RAD50: variants seen among roughly 807,000 people sequenced by gnomAD.
RAD50 encodes RAD50 double strand break repair protein, also known as DNA repair protein RAD50.
RAD50 carries 132 observed loss-of-function variants against 168.8 expected under a neutral mutation model. The ratio of observed to expected loss-of-function variants is 0.78; its 90% CI spans 0.68 to 0.90. The LOEUF (loss-of-function observed/expected upper bound fraction) is 0.90, where lower values mean the gene tolerates loss of function less well. Ranked by LOEUF, RAD50 falls within the 40% of genes least tolerant of loss-of-function variation. The probability of loss-of-function intolerance (pLI) is 0.00; values close to 1 mark genes in which losing one functional copy is unlikely to be tolerated. For synonymous variants in RAD50, 525 were observed against 497.4 expected, an observed-to-expected ratio of 1.06 and a Z score of -0.74; for missense variants, 1,347 against 1,534.4, an observed-to-expected ratio of 0.88 and a Z score of 2.04.
rs753568011 is a variant in RAD50, at chr5:132,557,279, CT to C, written c.-43del. On this transcript the variant is annotated 5_prime_UTR_variant, in exon 1 of 25. Coordinates refer to ENST00000378823, the MANE Select transcript of RAD50 (RefSeq NM_005732.4). ...CGCCTTGCTTCGGCCTCAGTTAAGC[CT>C]TTGTGGGCTCCAGGTCCCTGGTGAG... The C allele has an allele frequency of 3.1e-6, 5 of 1,608,694 alleles. No individual in the cohort carries two copies. Among genetic ancestry groups the C allele is most frequent in the African/African-American group, 2.7e-5 (2 of 74,974 alleles).
rs878854786 is a variant in RAD50 at position 132,591,868 on chromosome 5, T to A, written c.1636-9T>A. ...CTTTATTTTTAAAAGATTTTTTTTT[T>A]ACCTATAGGCTGACAAAGATGAACA... On this transcript the variant is annotated splice_polypyrimidine_tract_variant and intron_variant, in intron 10 of 24. Coordinates refer to ENST00000378823, the MANE Select transcript of RAD50 (RefSeq NM_005732.4). The A allele has an allele frequency of 1.0e-5, 16 of 1,575,762 alleles. No homozygotes were observed. Among genetic ancestry groups the A allele is most frequent in the East Asian group, 2.2e-5 (1 of 44,544 alleles).
chr5:132,592,345 A>T (rs1193780250), intron 11 of RAD50, among the ~76,000 whole-genome samples: 1 of 152,180 alleles, frequency 6.6e-6, no homozygotes, highest in East Asian at 1.9e-4. Flanking sequence ...TCTTTTTTAC[A>T]TTGCTAGCAT....
At chr5:132,565,519 T>C (rs1047265826) in intron 2 of RAD50, among the ~76,000 whole-genome samples, 4 of 152,146 alleles carry the variant, frequency 2.6e-5, no homozygotes, top group African/African-American at 9.7e-5. Flanking sequence ...GTATACACTT[T>C]GACTTCTGGT....
At chr5:132,575,219 A>G (rs1002034250) in intron 2 of RAD50, among the ~76,000 whole-genome samples, 3 of 152,188 alleles carry the variant, frequency 2.0e-5, no homozygotes, top group Non-Finnish European at 4.4e-5. Context: ...CCTCACAATC[A>G]TGGTGGAAGG....
chr5:132,643,140 C>A lies in RAD50; in HGVS notation c.*776C>A. The A allele has an allele frequency of 2.0e-6, 1 of 509,428 alleles. No homozygotes were observed. The highest frequency in any genetic ancestry group is 1.6e-5 in the South Asian group (1 of 62,730). The allele number at this position is 509,428 out of a possible 1,614,324, so 31.6% of individuals were successfully genotyped here. A position where few individuals can be genotyped will look rare whatever the true frequency, so the allele number is the denominator to read the frequency against. On this transcript the variant is annotated 3_prime_UTR_variant, in exon 25 of 25. Coordinates refer to ENST00000378823, the MANE Select transcript of RAD50 (RefSeq NM_005732.4). ...GCCTGTAACACTCCTCTGCGTCTAT[C>A]CTGTGTAGCATACTGGCTTCACCAT...
chr5:132,603,909 A>G lies in RAD50; in HGVS notation c.2398-11A>G, dbSNP rs768708742. The stretch of plus-strand genomic sequence containing the variant: ...GTTTATTAAAGGAAATCATTTTGTT[A>G]TATTCTTAAGATGGAACTTAAAGAT... On this transcript the variant is annotated splice_polypyrimidine_tract_variant and intron_variant, in intron 14 of 24. Coordinates refer to ENST00000378823, the MANE Select transcript of RAD50 (RefSeq NM_005732.4). 7 of 1,581,188 alleles carry G rather than the reference A, an allele frequency of 4.4e-6. No homozygotes were observed. Among genetic ancestry groups the G allele is most frequent in the Non-Finnish European group, 6.1e-6 (7 of 1,151,564 alleles).
At chr5:132,587,881 C>G in intron 6 of RAD50, 43 bp from the exon 7 acceptor site, 1 of 1,591,970 alleles carries the variant, frequency 6.3e-7, no homozygotes, top group Non-Finnish European at 8.6e-7. Flanking sequence ...ATCATATTTT[C>G]TTATGTTTGT....
At chr5:132,620,864 C>T (rs1561652247) in intron 21 of RAD50, among the ~76,000 whole-genome samples, 1 of 151,742 alleles carries the variant, frequency 6.6e-6, no homozygotes, top group Non-Finnish European at 1.5e-5. Flanking sequence ...AAACTGGAGA[C>T]AAGAAAAAAT....
intron 24 of RAD50, chr5:132,641,789 AAGT>A (rs1338258223): frequency 5.4e-6 from 1 of 184,426 alleles, no homozygotes; most frequent in Non-Finnish European, 1.1e-5. Flanking sequence ...TTCCAGAGAA[AAGT>A]AGTAACAGGT....
chr5:132,645,761 G>A lies in RAD50; in HGVS notation c.*3397G>A, dbSNP rs1327583810. On this transcript the variant is annotated 3_prime_UTR_variant, in exon 25 of 25. Transcript: ENST00000378823. ...TATACCTCAGAATTATCCCACCTAA[G>A]GGGCAAGAGACCTGGAGTATTTATA... is the stretch of plus-strand genomic sequence containing the variant. 6.6e-6 allele frequency: 1 copy of A among 152,138 alleles called. No individual in the cohort carries two copies. Among genetic ancestry groups the A allele is most frequent in the Non-Finnish European group, 1.5e-5 (1 of 68,030 alleles). 9.4% of individuals were successfully genotyped at this position (152,138 alleles called of 1,614,324 possible). A position where few individuals can be genotyped will look rare whatever the true frequency, so the allele number is the denominator to read the frequency against.
intron 13 of RAD50, among the ~76,000 whole-genome samples, chr5:132,596,565 T>C (rs759591386): frequency 1.1e-4 from 16 of 152,236 alleles, no homozygotes; most frequent in South Asian, 2.1e-4. Flanking sequence ...CCATCACTTA[T>C]ACAAGAAATT....
intron 1 of RAD50, among the ~76,000 whole-genome samples, chr5:132,558,321 A>G (rs1339607129): frequency 6.6e-6 from 1 of 152,208 alleles, no homozygotes; most frequent in Non-Finnish European, 1.5e-5. Context: ...CTGCCTCAAT[A>G]CAGCTTTTTC....
At chr5:132,585,794 A>G (rs1458621210) in intron 5 of RAD50, among the ~76,000 whole-genome samples, 1 of 151,938 alleles carries the variant, frequency 6.6e-6, no homozygotes, top group Non-Finnish European at 1.5e-5. Context: ...AGGTCTCACC[A>G]GGTTACCCAG....
chr5:132,568,158 C>T (rs1750241027), intron 2 of RAD50, among the ~76,000 whole-genome samples: 1 of 151,902 alleles, frequency 6.6e-6, no homozygotes, highest in African/African-American at 2.4e-5. Context: ...GCAACCTGTG[C>T]CTCCCAGGTT....
intron 7 of RAD50, 48 bp downstream of exon 7, chr5:132,588,137 C>T (rs1001321162): frequency 6.4e-7 from 1 of 1,556,348 alleles, no homozygotes; most frequent in Non-Finnish European, 8.9e-7. Flanking sequence ...TGATGTTATA[C>T]ATTTTCTGTA....
intron 16 of RAD50, among the ~76,000 whole-genome samples, chr5:132,606,203 A>C (rs1750982912): frequency 6.6e-6 from 1 of 152,184 alleles, no homozygotes. Flanking sequence ...TTTTTTAAAA[A>C]GATCAACAAA....
At chr5:132,592,321 C>T (rs1458829827) in intron 11 of RAD50, among the ~76,000 whole-genome samples, 1 of 152,172 alleles carries the variant, frequency 6.6e-6, no homozygotes, top group African/African-American at 2.4e-5. Context: ...GGGAATTTAA[C>T]CATGTCAGTG....
Position 132,631,026 on chromosome 5 carries a change from T to G in RAD50, c.3390-6089T>G, listed in dbSNP as rs868569002. On this transcript the variant is annotated intron_variant, in intron 21 of 24. Coordinates refer to ENST00000378823, the MANE Select transcript of RAD50 (RefSeq NM_005732.4). ...ATGCAATCGATTGTTACTGAAATTT[T>G]TAATGAAATCTTTCAGACTCTTAAT... 22 of 152,308 alleles carry G rather than the reference T, an allele frequency of 1.4e-4. No individual in the cohort carries two copies. In the Middle Eastern group the frequency reaches 0.01, roughly 71 times the overall value. The allele number at this position is 152,308 out of a possible 1,614,324, so 9.4% of individuals were successfully genotyped here.
Position 132,608,637 on chromosome 5 carries a change from C to CT in RAD50, c.2744dup (p.Leu915PhefsTer29), listed in dbSNP as rs876658976. On this transcript the variant is annotated frameshift_variant, in exon 17 of 25. Transcript: ENST00000378823. LOFTEE classifies it high-confidence loss of function. ...TAGGATGCTAAAGAGCAGGTAAGCC[C>CT]TTTGGAAACAACATTGGAAAAGTTC... 6.3e-7 allele frequency: 1 copy of CT among 1,594,936 alleles called. No individual in the cohort carries two copies. Among genetic ancestry groups the CT allele is most frequent in the Non-Finnish European group, 8.5e-7 (1 of 1,171,028 alleles).
Sources: allele counts gnomAD v4.1 joint callset (sites outside exome capture counted in the v4.1 genomes callset), GRCh38; gene constraint gnomAD v4.1.1; transcripts MANE v1.5; gene names NCBI Gene and HGNC (gene_info 2026-07-23, HGNC 2026-07-21).